VPS35: variants seen among roughly 807,000 people sequenced by gnomAD.
VPS35 encodes the protein vacuolar protein sorting-associated protein 35.
Under a neutral mutation model 98.1 loss-of-function variants are expected in VPS35, and 21 were observed. That is an observed-to-expected ratio of 0.21 (90% CI 0.15 to 0.31). The LOEUF (loss-of-function observed/expected upper bound fraction) is 0.31, where lower values mean the gene tolerates loss of function less well. VPS35 is among the 10% of genes least tolerant of loss of function. The pLI, the probability that VPS35 is intolerant of heterozygous loss-of-function variation, is 1.00. For missense variants in VPS35, 554 were observed against 950.8 expected (o/e 0.58, Z 5.49); for synonymous variants, 268 against 318.2 (o/e 0.84, Z 1.68).
intron 10 of VPS35, 113 bp from the exon 11 acceptor site, chr16:46,672,585 TCAAGTGAATCATAC>T: frequency 1.2e-6 from 1 of 840,246 alleles, no homozygotes. Context: ...AGGAAATGGG[TCAAGTGAATCATAC>T]CACCACAGAA....
chr16:46,666,482 G>C (rs986297780), intron 13 of VPS35, among the ~76,000 whole-genome samples: 6 of 151,918 alleles, frequency 3.9e-5, no homozygotes, highest in Non-Finnish European at 8.8e-5. Flanking sequence ...TGGTCAGGCT[G>C]TTCTCAAACT....
chr16:46,668,841 G>GA (rs1197126001), intron 13 of VPS35, 89 bp downstream of exon 13: 1 of 1,556,020 alleles, frequency 6.4e-7, no homozygotes, highest in Admixed American at 1.9e-5. Flanking sequence ...TTGTACGTTT[G>GA]AAATTTTTTA....
chr16:46,679,870 T>C lies in VPS35; in HGVS notation c.507-714A>G, dbSNP rs139754143. Among the ~76,000 whole-genome samples the C allele has an allele frequency of 5.3e-5, 8 of 152,100 alleles. No homozygotes were observed. In the East Asian group the frequency reaches 1.5e-3, roughly 29 times the overall value. ...CTTTTCTGTACTGTTTTAAAAGAAA[T>C]TGATGCAGATATATTAAAAAACATT... On this transcript the variant is annotated intron_variant, in intron 5 of 16. Coordinates refer to ENST00000299138, the MANE Select transcript of VPS35 (RefSeq NM_018206.6).
At chr16:46,676,052 T>G (rs1966144609) in intron 8 of VPS35, among the ~76,000 whole-genome samples, 1 of 102,180 alleles carries the variant, frequency 9.8e-6, no homozygotes, top group African/African-American at 4.1e-5. Flanking sequence ...GTGACAAGAG[T>G]GAGGATCTGT....
In VPS35 at chr16:46,671,388, G is replaced by C. The variant is rs573976492; in HGVS notation, c.1524+317C>G. Among the ~76,000 whole-genome samples the C allele has an allele frequency of 6.6e-5, 10 of 152,122 alleles. No individual in the cohort carries two copies. In the South Asian group the frequency reaches 1.7e-3, roughly 25 times the overall value. On this transcript the variant is annotated intron_variant, in intron 12 of 16. Coordinates refer to ENST00000299138, the MANE Select transcript of VPS35 (RefSeq NM_018206.6). The stretch of plus-strand genomic sequence containing the variant: ...CTCAGAGAGTCTTCAAAAGAAATCA[G>C]AGCAACTGAATTGTTACTCACATGC...
intron 1 of VPS35, chr16:46,688,873 T>C (rs1206966635): frequency 7.0e-7 from 1 of 1,435,008 alleles, no homozygotes. Context: ...AAAGCCTACA[T>C]GCCAAGTCAA....
chr16:46,674,071 G>A (rs1362724008), intron 10 of VPS35: 2 of 503,450 alleles, frequency 4.0e-6, no homozygotes, highest in African/African-American at 3.9e-5. Flanking sequence ...CACAGAAAGG[G>A]ATCCAAATTG....
At chr16:46,686,980 T>C (rs1453161705) in intron 1 of VPS35, among the ~76,000 whole-genome samples, 3 of 152,222 alleles carry the variant, frequency 2.0e-5, no homozygotes, top group Non-Finnish European at 2.9e-5. Context: ...TTCTTTCCTC[T>C]TCTATGAAAC....
chr16:46,677,611 A>G (rs1353582699), intron 6 of VPS35: 1 of 530,620 alleles, frequency 1.9e-6, no homozygotes, highest in Non-Finnish European at 3.4e-6. Flanking sequence ...TCTCCACTCA[A>G]TGCAACATCC....
chr16:46,680,866 T>A lies in VPS35; in HGVS notation c.324-13A>T. 6.2e-7 allele frequency: 1 copy of A among 1,610,876 alleles called. No individual in the cohort carries two copies. The highest frequency in any genetic ancestry group is 8.5e-7 in the Non-Finnish European group (1 of 1,177,108). ...GATCAAAAGGTAACTAGGAAAATTATGAAGAAATGCTGATTAGAAATAAAA... is the reference window on the plus strand; with the variant it reads ...GATCAAAAGGTAACTAGGAAAATTAAGAAGAAATGCTGATTAGAAATAAAA... On this transcript the variant is annotated splice_polypyrimidine_tract_variant and intron_variant, in intron 4 of 16. Coordinates refer to ENST00000299138, the MANE Select transcript of VPS35 (RefSeq NM_018206.6).
At chr16:46,666,139 A>C (rs1238467192) in intron 13 of VPS35, among the ~76,000 whole-genome samples, 12 of 151,398 alleles carry the variant, frequency 7.9e-5, no homozygotes, top group Non-Finnish European at 2.9e-5. Context: ...CCTGATCCCA[A>C]ATGATCCACC....
At chr16:46,675,458 T>G (rs1182281889) in intron 8 of VPS35, among the ~76,000 whole-genome samples, 1 of 152,214 alleles carries the variant, frequency 6.6e-6, no homozygotes, top group Non-Finnish European at 1.5e-5. Flanking sequence ...ATCCACATTT[T>G]GCTATGCCCA....
At chr16:46,660,879 C>A (rs1180733491) in intron 16 of VPS35, 1 of 523,662 alleles carries the variant, frequency 1.9e-6, no homozygotes, top group Non-Finnish European at 3.5e-6. Flanking sequence ...GGCTCAGTGG[C>A]TCATCCCTGT....
chr16:46,667,579 GT>G (rs1214479070), intron 13 of VPS35, among the ~76,000 whole-genome samples: 1 of 151,744 alleles, frequency 6.6e-6, no homozygotes, highest in African/African-American at 2.4e-5. Context: ...AGTTGCATAG[GT>G]TTTTGGTTTC....
intron 12 of VPS35, 56 bp downstream of exon 12, chr16:46,671,649 G>C: frequency 6.2e-7 from 1 of 1,607,914 alleles, no homozygotes; most frequent in Non-Finnish European, 8.5e-7. Flanking sequence ...TTAAGCACTT[G>C]AACATGTGAT....
intron 6 of VPS35, chr16:46,677,670 G>T: frequency 2.3e-6 from 1 of 430,974 alleles, no homozygotes; most frequent in Non-Finnish European, 4.3e-6. Flanking sequence ...CTGAGTGCTG[G>T]GACTACAGGT....
chr16:46,661,770 A>G lies in VPS35; in HGVS notation c.2159T>C (p.Phe720Ser). ...GATATATCTGTTCAGAATTTCTATA[A>G]AAAGCTGCACTTGTAGAGAGGGGTC... ...CMDPSLQVQL[F>S]IEILNRYIYF... The change falls in exon 16 of 17, where the codon TTT becomes TCT. Residue 720 changes from phenylalanine to serine, a missense_variant. This residue lies in a region of VPS35 where 153 missense variants were observed against 211.0 expected (regional missense o/e 0.73). Coordinates refer to ENST00000299138, the MANE Select transcript of VPS35 (RefSeq NM_018206.6). This position sits in a 1 kb window ranked among gnomAD's most constrained non-coding sequence, Gnocchi z 4.3. 1.2e-6 allele frequency: 2 copies of G among 1,613,894 alleles called. No individual in the cohort carries two copies. The highest frequency in any genetic ancestry group is 1.7e-6 in the Non-Finnish European group (2 of 1,179,770).
chr16:46,671,498 G>T (rs1330661138), intron 12 of VPS35, among the ~76,000 whole-genome samples: 1 of 151,678 alleles, frequency 6.6e-6, no homozygotes, highest in African/African-American at 2.4e-5. Flanking sequence ...TCGAGATGGA[G>T]TCTCGCTGTG....
intron 10 of VPS35, 117 bp from the exon 11 acceptor site, chr16:46,672,589 G>C (rs1433583437): frequency 6.8e-5 from 56 of 824,014 alleles, no homozygotes; most frequent in Admixed American, 6.7e-5. Flanking sequence ...AATGGGTCAA[G>C]TGAATCATAC....
Sources: allele counts gnomAD v4.1 joint callset (sites outside exome capture counted in the v4.1 genomes callset), GRCh38; gene constraint gnomAD v4.1.1; regional missense constraint gnomAD v4.1.1; non-coding constraint Gnocchi (gnomAD v3.1); transcripts MANE v1.5; gene names NCBI Gene and HGNC (gene_info 2026-07-23, HGNC 2026-07-21).